Variants in DOCK5 observed in about 807,000 individuals in gnomAD.
The protein encoded by DOCK5 is dedicator of cytokinesis 5, also known as dedicator of cytokinesis protein 5.
DOCK5 carries 142 observed loss-of-function variants against 251.8 expected under a neutral mutation model. The observed-to-expected ratio is 0.56, with a 90% CI of 0.49 to 0.65. DOCK5 has a LOEUF of 0.65. DOCK5 is among the 30% of genes least tolerant of loss of function. The pLI, the probability that DOCK5 is intolerant of heterozygous loss-of-function variation, is 0.00. For synonymous variants in DOCK5, 842 were observed against 835.5 expected, an observed-to-expected ratio of 1.01 and a Z score of -0.13; for missense variants, 2,111 against 2,312.3, an observed-to-expected ratio of 0.91 and a Z score of 1.79.
chr8:25,220,838 A>G (rs980427749), intron 1 of DOCK5, among the ~76,000 whole-genome samples: 4 of 152,076 alleles, frequency 2.6e-5, no homozygotes, highest in Non-Finnish European at 5.9e-5. Context: ...TCCTGACTTC[A>G]GGTGATCCGC....
rs769470394 is a variant in DOCK5, at chr8:25,390,302, AT to A, written c.4355+18del. On this transcript the variant is annotated intron_variant, in intron 42 of 51. Transcript: ENST00000276440. ...CAGATCTTAAAGTAAGTGGTTTTTC[AT>A]TTAAAAAAAAAAAAAATCTGTGTCT... 84 of 1,519,820 alleles carry A rather than the reference AT, an allele frequency of 5.5e-5. No homozygotes were observed. The African/African-American group carries it at 8.0e-4, about 14-fold the overall frequency. 94.1% of individuals were successfully genotyped at this position (1,519,820 alleles called of 1,614,324 possible). A position where few individuals can be genotyped will look rare whatever the true frequency, so the allele number is the denominator to read the frequency against.
intron 5 of DOCK5, 133 bp from the exon 6 acceptor site, chr8:25,291,891 A>C: frequency 1.2e-6 from 1 of 846,284 alleles, no homozygotes; most frequent in South Asian, 2.1e-5. Context: ...AAAAAAAAAG[A>C]ATCGGCCAAA....
rs138661979 is a variant in DOCK5 at position 25,411,254 on chromosome 8, G to A, written c.5569G>A (p.Ala1857Thr). ...AGCACCACCCCCTCCACCTCCAAAG[G>A]CTCGGAAGTCTGGCATCCCTACTTC... The part of the protein sequence containing the change: ...AKAPPPPPPK[A>T]RKSGIPTSEP... The change falls in exon 52 of 52, where the codon GCT (alanine) becomes ACT (threonine). Residue 1857 changes from alanine to threonine, a missense_variant. This residue lies in a region of DOCK5 where 1,717 missense variants were observed against 1,892.4 expected (regional missense o/e 0.91). Transcript: ENST00000276440. 50 of 1,585,416 alleles carry A rather than the reference G, an allele frequency of 3.2e-5. No homozygotes were observed. The Admixed American group carries it at 3.9e-4, about 12-fold the overall frequency.
chr8:25,378,329 A>G, intron 38 of DOCK5, among the ~76,000 whole-genome samples: 1 of 152,132 alleles, frequency 6.6e-6, no homozygotes, highest in East Asian at 1.9e-4. Flanking sequence ...ATTCACCGGA[A>G]CTCAGGACCA....
Position 25,215,057 on chromosome 8 carries a change from G to T in DOCK5, c.44-28617G>T, listed in dbSNP as rs1409805917. On this transcript the variant is annotated intron_variant, in intron 1 of 51. Coordinates refer to ENST00000276440, the MANE Select transcript of DOCK5 (RefSeq NM_024940.8). ...GGTGAGACATGATCTGTGACTAGGGGCTGTGGGAAAACATGCCTGTCCTGG... is the reference window on the plus strand; with the variant it reads ...GGTGAGACATGATCTGTGACTAGGGTCTGTGGGAAAACATGCCTGTCCTGG... Among the ~76,000 whole-genome samples the T allele has an allele frequency of 4.6e-5, 7 of 152,284 alleles. No individual in the cohort carries two copies. The East Asian group carries it at 7.7e-4, about 17-fold the overall frequency.
Position 25,323,869 on chromosome 8 carries a change from C to T in DOCK5, c.1637C>T (p.Ala546Val), listed in dbSNP as rs771337522. 31 of 1,613,380 alleles carry T rather than the reference C, an allele frequency of 1.9e-5. No individual in the cohort carries two copies. In the South Asian group the frequency reaches 3.1e-4, roughly 16 times the overall value. ...SQETRDKSER[A>V]FGVAFVKLMN... is the part of the protein sequence containing the mutation. The stretch of plus-strand genomic sequence containing the variant: ...TCAGCCAGAGATAAATCGGAGCGAG[C>T]ATTTGGGGTGGCCTTCGTGAAGCTG... The change falls in exon 17 of 52, where the codon GCA becomes GTA. Residue 546 changes from alanine to valine, a missense_variant. By Grantham distance (64) the Ala-to-Val change is moderately conservative (BLOSUM62 0). This residue lies in a region of DOCK5 where 1,717 missense variants were observed against 1,892.4 expected (regional missense o/e 0.91). Transcript: ENST00000276440.
chr8:25,292,362 C>T (rs1279504022), intron 6 of DOCK5, among the ~76,000 whole-genome samples, 190 bp downstream of exon 6: 2 of 152,096 alleles, frequency 1.3e-5, no homozygotes, highest in African/African-American at 4.8e-5. Context: ...TGGCCAGGCT[C>T]TGTGTTGGAT....
intron 47 of DOCK5, among the ~76,000 whole-genome samples, chr8:25,401,907 A>G (rs1055470336): frequency 6.6e-6 from 1 of 152,204 alleles, no homozygotes; most frequent in African/African-American, 2.4e-5. Context: ...GGAATTGTGA[A>G]TTACATTTCA....
At chr8:25,373,124 C>A (rs1800904037) in intron 35 of DOCK5, among the ~76,000 whole-genome samples, 1 of 151,920 alleles carries the variant, frequency 6.6e-6, no homozygotes, top group African/African-American at 2.4e-5. Flanking sequence ...CTCAGCCTCC[C>A]AAGTAGCTGG....
intron 16 of DOCK5, among the ~76,000 whole-genome samples, chr8:25,322,117 CCTT>C (rs1805439603): frequency 1.3e-5 from 2 of 152,300 alleles, no homozygotes. Flanking sequence ...TGTAACCCCT[CCTT>C]CCAAAAATGC....
intron 27 of DOCK5, among the ~76,000 whole-genome samples, chr8:25,354,558 G>T (rs1327930236): frequency 6.6e-6 from 1 of 152,190 alleles, no homozygotes; most frequent in Non-Finnish European, 1.5e-5. Context: ...TGAAATGAGA[G>T]TGGGAATGAC....
intron 3 of DOCK5, among the ~76,000 whole-genome samples, chr8:25,274,056 CA>C (rs1803981734): frequency 6.6e-6 from 1 of 152,142 alleles, no homozygotes; most frequent in Non-Finnish European, 1.5e-5. Flanking sequence ...ATGCTAGGGG[CA>C]GTTTAATCTC....
intron 2 of DOCK5, among the ~76,000 whole-genome samples, chr8:25,249,743 C>T (rs1171942038): frequency 6.6e-6 from 1 of 152,182 alleles, no homozygotes; most frequent in East Asian, 1.9e-4. Context: ...CACACCGCTA[C>T]ACCCAGCTAA....
Position 25,342,452 on chromosome 8 carries a change from G to A in DOCK5, c.2562G>A (p.Arg854=). 3 of 1,600,876 alleles carry A rather than the reference G, an allele frequency of 1.9e-6. No homozygotes were observed. Among genetic ancestry groups the A allele is most frequent in the Non-Finnish European group, 1.7e-6 (2 of 1,172,752 alleles). ...IQSIPDNQLV[R]QKLNCMTKIV... Reference sequence around the variant, plus strand: ...GCATTCCTGACAACCAGCTGGTTCGGCAGAAACTTAACTGCATGACCAAGA... The same window carrying A: ...GCATTCCTGACAACCAGCTGGTTCGACAGAAACTTAACTGCATGACCAAGA... Residue 854 remains arginine, a synonymous_variant, in exon 25 of 52, where the codon CGG becomes CGA. Coordinates refer to ENST00000276440, the MANE Select transcript of DOCK5 (RefSeq NM_024940.8).
intron 17 of DOCK5, among the ~76,000 whole-genome samples, chr8:25,324,867 A>G (rs947111519): frequency 1.1e-4 from 16 of 142,488 alleles, no homozygotes; most frequent in African/African-American, 2.1e-4. Context: ...TCATTGTTCA[A>G]TTCCCACCTA....
chr8:25,298,792 T>C (rs1804682120), intron 7 of DOCK5, 152 bp from the exon 8 acceptor site: 2 of 898,244 alleles, frequency 2.2e-6, no homozygotes, highest in African/African-American at 1.7e-5. Flanking sequence ...CTCAAATTCC[T>C]GGGCCTCTAG....
chr8:25,370,156 T>C (rs1456251162), intron 34 of DOCK5, among the ~76,000 whole-genome samples: 1 of 152,196 alleles, frequency 6.6e-6, no homozygotes, highest in Non-Finnish European at 1.5e-5. Context: ...TTATCACCAC[T>C]GTCCCCTCTT....
At position 25,184,778 on chromosome 8, in the gene DOCK5, C is replaced by T. The variant is rs1318732447; in HGVS notation, c.-131C>T. On this transcript the variant is annotated 5_prime_UTR_variant, in exon 1 of 52. Coordinates refer to ENST00000276440, the MANE Select transcript of DOCK5 (RefSeq NM_024940.8). ...GGCGGCGCGGCGAGGAGGCGGCCCG[C>T]GGAGTCCAGCGAAGTTTGGCGGAAC... 4 of 853,294 alleles carry T rather than the reference C, an allele frequency of 4.7e-6. No individual in the cohort carries two copies. Among genetic ancestry groups the T allele is most frequent in the Non-Finnish European group, 6.2e-6 (4 of 650,334 alleles). The allele number at this position is 853,294 out of a possible 1,614,324, so 52.9% of individuals were successfully genotyped here.
intron 1 of DOCK5, among the ~76,000 whole-genome samples, chr8:25,189,507 C>T (rs529676789): frequency 2.0e-5 from 3 of 152,162 alleles, no homozygotes; most frequent in East Asian, 1.9e-4. Flanking sequence ...GCTACAGGTG[C>T]GTGCCACCAC....
Sources: allele counts gnomAD v4.1 joint callset (sites outside exome capture counted in the v4.1 genomes callset), GRCh38; gene constraint gnomAD v4.1.1; regional missense constraint gnomAD v4.1.1; transcripts MANE v1.5; gene names NCBI Gene and HGNC (gene_info 2026-07-23, HGNC 2026-07-21).